UGT2B17: variants seen among roughly 807,000 people sequenced by gnomAD.
UGT2B17 encodes the protein UDP-glucuronosyltransferase 2B17.
UGT2B17 carries 21 observed loss-of-function variants against 48.2 expected under a neutral mutation model. The observed-to-expected ratio is 0.44, with a 90% CI of 0.31 to 0.63. The LOEUF (loss-of-function observed/expected upper bound fraction) is 0.63. Among genes scored for constraint, UGT2B17 ranks in the 20% least tolerant of loss-of-function variants. The pLI, the probability that UGT2B17 is intolerant of heterozygous loss-of-function variation, is 0.08. For synonymous variants in UGT2B17, 146 were observed against 238.4 expected (o/e 0.61, Z 3.57); for missense variants, 402 against 696.1 (o/e 0.58, Z 4.75).
Position 68,572,748 on chromosome 4 carries a change from C to T in UGT2B17, c.-65+3203G>A, listed in dbSNP as rs866549136. On this transcript the variant is annotated intron_variant, in intron 1 of 6. Transcript: ENST00000317746. ...TAGTCTGAGGAAGGTCAGTTGAAGTCCTTCCTGTACAAGTCCAAATTCTGA... is the reference window on the plus strand; with the variant it reads ...TAGTCTGAGGAAGGTCAGTTGAAGTTCTTCCTGTACAAGTCCAAATTCTGA... Among the ~76,000 whole-genome samples the T allele has an allele frequency of 2.4e-5, 3 of 126,794 alleles. 1 individual carries two copies. Among genetic ancestry groups the T allele is most frequent in the Non-Finnish European group, 5.0e-5 (3 of 59,716 alleles). The allele number at this position is 126,794 out of a possible 152,430, so 83.2% of individuals were successfully genotyped here. A position where few individuals can be genotyped will look rare whatever the true frequency, so the allele number is the denominator to read the frequency against.
chr4:68,548,413 C>T (rs112066715), intron 6 of UGT2B17, among the ~76,000 whole-genome samples: 2,830 of 123,836 alleles, frequency 0.023, 625 homozygotes, highest in African/African-American at 0.042. Context: ...TATCACACAC[C>T]GGGGCCTGCT....
At chr4:68,540,749 AT>A (rs1271157124) in intron 6 of UGT2B17, among the ~76,000 whole-genome samples, 4 of 125,404 alleles carry the variant, frequency 3.2e-5, no homozygotes, top group Non-Finnish European at 5.1e-5. Context: ...TGTCATCTAG[AT>A]TTTAAGTCCC....
At chr4:68,555,939 TTTG>T (rs1349268029) in intron 4 of UGT2B17, among the ~76,000 whole-genome samples, 1 of 119,236 alleles carries the variant, frequency 8.4e-6, no homozygotes, top group Non-Finnish European at 1.8e-5. Context: ...TTTTTTTTTT[TTTG>T]TAAAAAGCTT....
rs370936525 is a variant in UGT2B17 at position 68,545,434 on chromosome 4, T to G, written c.1313+5243A>C. On this transcript the variant is annotated intron_variant, in intron 6 of 6. Coordinates refer to ENST00000317746, the MANE Select transcript of UGT2B17 (RefSeq NM_001077.4). ...GGACGCATTCAAAGCAGTGTGTAGA[T>G]GGAAATTTATAGCACTAAATGCCCA... 1.6e-4 allele frequency among the ~76,000 whole-genome samples: 20 copies of G among 123,872 alleles called. 4 individuals are homozygous for G. The highest frequency in any genetic ancestry group is 3.6e-4 in the African/African-American group (13 of 36,092). 81.3% of individuals were successfully genotyped at this position (123,872 alleles called of 152,430 possible). A position where few individuals can be genotyped will look rare whatever the true frequency, so the allele number is the denominator to read the frequency against.
chr4:68,575,231 G>A (rs1432160938), intron 1 of UGT2B17, among the ~76,000 whole-genome samples: 1 of 82,636 alleles, frequency 1.2e-5, no homozygotes, highest in Non-Finnish European at 2.3e-5. Context: ...GCCTCTGCCA[G>A]CTGCTTATGC....
At chr4:68,542,336 G>T (rs1389629201) in intron 6 of UGT2B17, among the ~76,000 whole-genome samples, 1 of 126,178 alleles carries the variant, frequency 7.9e-6, no homozygotes, top group Non-Finnish European at 1.7e-5. Context: ...GCTTAGGGTT[G>T]TCTTGGCTAT....
Position 68,537,409 on chromosome 4 carries a change from T to C in UGT2B17, c.*216A>G. ...TTCAATATAAGCCCATAAGGTTTTA[T>C]ATTATTATTTTTCATAGCTTAAAAA... On this transcript the variant is annotated 3_prime_UTR_variant, in exon 7 of 7. Transcript: ENST00000317746. 2.6e-6 allele frequency: 1 copy of C among 378,984 alleles called. No individual in the cohort carries two copies. The highest frequency in any genetic ancestry group is 3.9e-6 in the Non-Finnish European group (1 of 255,150). The allele number at this position is 378,984 out of a possible 1,614,324, so 23.5% of individuals were successfully genotyped here.
Position 68,565,690 on chromosome 4 carries a change from C to T in UGT2B17, c.755G>A (p.Gly252Glu), listed in dbSNP as rs1183093527. ...GRPTTLFETM[G>E]KAEMWLIRTY... ...TCGAATGAGCCACATTTCAGCTTTC[C>T]CCATTGTCTCAAATAATGTAGTGGG... The change falls in exon 3 of 7, where the codon GGG becomes GAG. Residue 252 changes from glycine to glutamate, a missense_variant. This residue lies in a region of UGT2B17 where 106 missense variants were observed against 169.8 expected (regional missense o/e 0.62). Coordinates refer to ENST00000317746, the MANE Select transcript of UGT2B17 (RefSeq NM_001077.4). The T allele has an allele frequency of 1.5e-6, 2 of 1,362,208 alleles. No individual in the cohort carries two copies. The highest frequency in any genetic ancestry group is 1.9e-6 in the Non-Finnish European group (2 of 1,046,126). The allele number at this position is 1,362,208 out of a possible 1,614,324, so 84.4% of individuals were successfully genotyped here.
chr4:68,544,034 C>T (rs1730743748), intron 6 of UGT2B17, among the ~76,000 whole-genome samples: 1 of 126,068 alleles, frequency 7.9e-6, no homozygotes, highest in Non-Finnish European at 1.7e-5. Flanking sequence ...GAGAGCTTCC[C>T]CAATCTAGCA....
chr4:68,550,872 A>G lies in UGT2B17; in HGVS notation c.1118T>C (p.Ile373Thr). 7.3e-7 allele frequency: 1 copy of G among 1,376,038 alleles called. No individual in the cohort carries two copies. Among genetic ancestry groups the G allele is most frequent in the Non-Finnish European group, 9.5e-7 (1 of 1,056,398 alleles). 85.2% of individuals were successfully genotyped at this position (1,376,038 alleles called of 1,614,324 possible). A position where few individuals can be genotyped will look rare whatever the true frequency, so the allele number is the denominator to read the frequency against. ...GATGCCATTGGTTCCACCATGAGTT[A>G]TAAAAGCTTTGGTTTTGGGATGACC... ...LLGHPKTKAF[I>T]THGGTNGIYE... The change falls in exon 6 of 7, where the codon ATA becomes ACA. Residue 373 changes from isoleucine (I) to threonine (T), a missense_variant. Physicochemically the swap from Ile to Thr is moderately conservative, Grantham distance 89 (BLOSUM62 -1). Coordinates refer to ENST00000317746, the MANE Select transcript of UGT2B17 (RefSeq NM_001077.4).
rs771336312 is a variant in UGT2B17 at position 68,550,869 on chromosome 4, G to C, written c.1121C>G (p.Thr374Ser). ...ATAGATGCCATTGGTTCCACCATGA[G>C]TTATAAAAGCTTTGGTTTTGGGATG... ...LGHPKTKAFI[T>S]HGGTNGIYEA... Residue 374 changes from threonine to serine, a missense_variant, in exon 6 of 7, where the codon ACT (threonine) becomes AGT (serine). By Grantham distance (58) the Thr-to-Ser change is moderately conservative. Transcript: ENST00000317746. 7.3e-7 allele frequency: 1 copy of C among 1,375,416 alleles called. No homozygotes were observed. Among genetic ancestry groups the C allele is most frequent in the Non-Finnish European group, 9.5e-7 (1 of 1,056,374 alleles). The allele number at this position is 1,375,416 out of a possible 1,614,324, so 85.2% of individuals were successfully genotyped here.
At chr4:68,572,583 G>A (rs1176282265) in intron 1 of UGT2B17, among the ~76,000 whole-genome samples, 3 of 125,758 alleles carry the variant, frequency 2.4e-5, no homozygotes, top group Admixed American at 8.2e-5. Context: ...CGATTATGAG[G>A]GCGTGATCAT....
Position 68,561,797 on chromosome 4 carries a change from A to T in UGT2B17, c.874-1129T>A, listed in dbSNP as rs184737606. Among the ~76,000 whole-genome samples the T allele has an allele frequency of 1.6e-5, 2 of 123,352 alleles. 1 individual carries two copies. The highest frequency in any genetic ancestry group is 1.7e-4 in the Admixed American group (2 of 11,982). 80.9% of individuals were successfully genotyped at this position (123,352 alleles called of 152,430 possible). On this transcript the variant is annotated intron_variant, in intron 3 of 6. Transcript: ENST00000317746. Reference sequence around the variant, plus strand: ...ATGTATTCTCACACCAAAAAAAAAAAAAAAGAAAAAGAAAGAGAGAAAGAG... The same window carrying T: ...ATGTATTCTCACACCAAAAAAAAAATAAAAGAAAAAGAAAGAGAGAAAGAG...
Position 68,537,806 on chromosome 4 carries a change from T to C in UGT2B17, c.1412A>G (p.His471Arg). 1.4e-6 allele frequency: 2 copies of C among 1,380,010 alleles called. 1 individual carries two copies. The highest frequency in any genetic ancestry group is 1.9e-6 in the Non-Finnish European group (2 of 1,055,142). 85.5% of individuals were successfully genotyped at this position (1,380,010 alleles called of 1,614,324 possible). The change falls in exon 7 of 7, where the codon CAT becomes CGT. Residue 471 changes from histidine (H) to arginine (R), a missense_variant. Transcript: ENST00000317746. ...GACCCGAAGGTGCTTGGCTCCTTTA[T>C]GGCGCATGACAAACTCAATCCAGAA... ...AVFWIEFVMR[H>R]KGAKHLRVAA...
chr4:68,554,585 C>A (rs1730969886), intron 4 of UGT2B17, among the ~76,000 whole-genome samples: 1 of 124,900 alleles, frequency 8.0e-6, no homozygotes, highest in Non-Finnish European at 1.7e-5. Flanking sequence ...ACCACATAAT[C>A]TTTTGTGTGT....
intron 4 of UGT2B17, among the ~76,000 whole-genome samples, chr4:68,554,006 C>T (rs1308637488): frequency 1.6e-5 from 2 of 124,524 alleles, no homozygotes; most frequent in Non-Finnish European, 3.4e-5. Context: ...AGGGAAATCC[C>T]CAAGAAAAAT....
chr4:68,544,119 A>G (rs1451316581), intron 6 of UGT2B17, among the ~76,000 whole-genome samples: 1 of 125,692 alleles, frequency 8.0e-6, no homozygotes, highest in Non-Finnish European at 1.7e-5. Flanking sequence ...CAACTCCAAG[A>G]CACATAATTG....
chr4:68,552,030 A>C, intron 4 of UGT2B17, 119 bp from the exon 5 acceptor site: 1 of 699,084 alleles, frequency 1.4e-6, no homozygotes, highest in Non-Finnish European at 2.0e-6. Flanking sequence ...AATAAGAAGA[A>C]GTGATGTCAA....
chr4:68,564,919 G>C (rs1161612106), intron 3 of UGT2B17, among the ~76,000 whole-genome samples: 2 of 124,000 alleles, frequency 1.6e-5, no homozygotes, highest in Non-Finnish European at 3.4e-5. Context: ...TGTTGCCCAG[G>C]CTGGTCTCAA....
Sources: allele counts gnomAD v4.1 joint callset (sites outside exome capture counted in the v4.1 genomes callset), GRCh38; gene constraint gnomAD v4.1.1; regional missense constraint gnomAD v4.1.1; transcripts MANE v1.5; gene names NCBI Gene and HGNC (gene_info 2026-07-23, HGNC 2026-07-21).